Variants in XXYLT1 observed in about 807,000 individuals in gnomAD.
XXYLT1 encodes the protein UDP-xylose:alpha-xyloside alpha-1,3-xylosyltransferase.
XXYLT1 carries 20 observed loss-of-function variants against 28.9 expected under a neutral mutation model. That is an observed-to-expected ratio of 0.69 (90% confidence interval 0.49 to 1.00). XXYLT1 has a LOEUF of 1.00. Among genes scored for constraint, XXYLT1 ranks in the 50% least tolerant of loss-of-function variants. The pLI, the probability that XXYLT1 is intolerant of heterozygous loss-of-function variation, is 0.00. For missense variants in XXYLT1, 542 were observed against 560.1 expected (o/e 0.97, Z 0.33); for synonymous variants, 257 against 253.8 (o/e 1.01, Z -0.12).
intron 2 of XXYLT1, among the ~76,000 whole-genome samples, chr3:195,170,821 T>C (rs898171799): frequency 6.6e-6 from 1 of 151,424 alleles, no homozygotes; most frequent in African/African-American, 2.4e-5. Flanking sequence ...GGCAGGAGGA[T>C]CCCTTGAGCA....
intron 3 of XXYLT1, chr3:195,134,652 G>T (rs1360673770): frequency 6.4e-6 from 1 of 155,962 alleles, no homozygotes; most frequent in East Asian, 1.9e-4. Context: ...TCTTCAGGAT[G>T]CCAGGAAGGG....
intron 1 of XXYLT1, among the ~76,000 whole-genome samples, chr3:195,248,739 G>A (rs1356896996): frequency 6.6e-6 from 1 of 152,200 alleles, no homozygotes; most frequent in East Asian, 1.9e-4. Context: ...CCAACAGGGT[G>A]AAACGCCGTC....
chr3:195,223,102 G>A (rs1053944201), intron 2 of XXYLT1, among the ~76,000 whole-genome samples: 9 of 151,848 alleles, frequency 5.9e-5, no homozygotes, highest in Non-Finnish European at 8.8e-5. Flanking sequence ...ACATGGTGGC[G>A]GGTGCCTGTA....
chr3:195,096,316 T>C (rs1577020454), intron 3 of XXYLT1, among the ~76,000 whole-genome samples: 1 of 152,004 alleles, frequency 6.6e-6, no homozygotes, highest in Non-Finnish European at 1.5e-5. Flanking sequence ...CTGGTGACAG[T>C]GGCGCAGACA....
At chr3:195,227,650 CA>C (rs1724115142) in intron 1 of XXYLT1, among the ~76,000 whole-genome samples, 1 of 152,148 alleles carries the variant, frequency 6.6e-6, no homozygotes, top group Non-Finnish European at 1.5e-5. Context: ...CTCCAAATTA[CA>C]AATAAGGACG....
chr3:195,109,514 G>A (rs1429867534), intron 3 of XXYLT1, among the ~76,000 whole-genome samples: 7 of 147,476 alleles, frequency 4.7e-5, no homozygotes. Flanking sequence ...TGTGGTGTAT[G>A]AGTGTGCATG....
chr3:195,217,161 T>C (rs1723615552), intron 2 of XXYLT1, among the ~76,000 whole-genome samples: 1 of 96,016 alleles, frequency 1.0e-5, no homozygotes, highest in Non-Finnish European at 1.8e-5. Flanking sequence ...TGGGATGTAT[T>C]TCAAAATAAT....
chr3:195,073,522 A>G (rs1260631882), intron 3 of XXYLT1, among the ~76,000 whole-genome samples: 1 of 151,968 alleles, frequency 6.6e-6, no homozygotes, highest in Non-Finnish European at 1.5e-5. Context: ...TGCTCTAACT[A>G]TCTGGATTGT....
chr3:195,249,133 G>T (rs1051381288), intron 1 of XXYLT1, among the ~76,000 whole-genome samples: 2 of 152,148 alleles, frequency 1.3e-5, no homozygotes, highest in Admixed American at 6.5e-5. Flanking sequence ...TTTTGTGGGT[G>T]AGACACTGTT....
Position 195,158,164 on chromosome 3 carries a change from GCT to G in XXYLT1, c.653-1585_653-1584del, listed in dbSNP as rs375971731. Among the ~76,000 whole-genome samples the G allele has an allele frequency of 6.0e-4, 91 of 152,294 alleles. No individual in the cohort carries two copies. In the East Asian group the frequency reaches 0.013, roughly 22 times the overall value. On this transcript the variant is annotated intron_variant, in intron 2 of 3. Coordinates refer to ENST00000310380, the MANE Select transcript of XXYLT1 (RefSeq NM_152531.5). ...CGAAAGCCCACCACCTGCTACAGGT[GCT>G]CTCTCTTTCAAGGCCATCTAAACTC...
intron 1 of XXYLT1, among the ~76,000 whole-genome samples, chr3:195,252,707 CACACACACA>C (rs1725305452): frequency 3.5e-5 from 5 of 141,534 alleles, no homozygotes; most frequent in South Asian, 2.2e-4. Flanking sequence ...CACACACACA[CACACACACA>C]CACACACACA....
At chr3:195,131,326 C>A (rs956074391) in intron 3 of XXYLT1, among the ~76,000 whole-genome samples, 1 of 152,208 alleles carries the variant, frequency 6.6e-6, no homozygotes, top group African/African-American at 2.4e-5. Context: ...GCCTGAAAGG[C>A]GGGTGGATTT....
chr3:195,072,861 G>A (rs1344789908), intron 3 of XXYLT1, among the ~76,000 whole-genome samples: 2 of 152,206 alleles, frequency 1.3e-5, no homozygotes, highest in Non-Finnish European at 2.9e-5. Context: ...GGTTCTCGTA[G>A]AGGAATCGCA....
At chr3:195,161,057 C>T (rs965818044) in intron 2 of XXYLT1, among the ~76,000 whole-genome samples, 3 of 152,280 alleles carry the variant, frequency 2.0e-5, no homozygotes, top group African/African-American at 7.2e-5. Context: ...AGGGGCTCCT[C>T]CAGCCTGACC....
rs532582774 is a variant in XXYLT1 at position 195,257,464 on chromosome 3, C to A, written c.504+13091G>T. Among the ~76,000 whole-genome samples the A allele has an allele frequency of 6.6e-6, 1 of 152,184 alleles. No homozygotes were observed. Among genetic ancestry groups the A allele is most frequent in the African/African-American group, 2.4e-5 (1 of 41,424 alleles). ...ATAACTGGCACCGTCCGAGCTTCAT[C>A]ATGAAAGGCGAGTTAATCAGATGAA... On this transcript the variant is annotated intron_variant, in intron 1 of 3. Coordinates refer to ENST00000310380, the MANE Select transcript of XXYLT1 (RefSeq NM_152531.5). The surrounding 1 kb of genome is among the most constrained non-coding windows in gnomAD (Gnocchi z 4.3).
At chr3:195,165,750 A>G (rs1721087610) in intron 2 of XXYLT1, among the ~76,000 whole-genome samples, 1 of 152,126 alleles carries the variant, frequency 6.6e-6, no homozygotes, top group Non-Finnish European at 1.5e-5. Flanking sequence ...TACATCTTCT[A>G]AAAAAGATGG....
chr3:195,149,160 T>C (rs1167609222), intron 3 of XXYLT1, among the ~76,000 whole-genome samples: 1 of 152,146 alleles, frequency 6.6e-6, no homozygotes, highest in Non-Finnish European at 1.5e-5. Context: ...AGATACACTG[T>C]TAAGTGAACA....
At chr3:195,111,903 C>T (rs1717738526) in intron 3 of XXYLT1, among the ~76,000 whole-genome samples, 2 of 152,158 alleles carry the variant, frequency 1.3e-5, no homozygotes, top group African/African-American at 4.8e-5. Flanking sequence ...ATCATTTGCT[C>T]GCCCCAATCG....
At position 195,128,276 on chromosome 3, in the gene XXYLT1, T is replaced by A. The variant is rs147034841; in HGVS notation, c.785+28173A>T. 4.4e-3 allele frequency among the ~76,000 whole-genome samples: 664 copies of A among 152,158 alleles called. 2 individuals carry two copies. The highest frequency in any genetic ancestry group is 8.5e-3 in the Admixed American group (130 of 15,294). ...ATCCCTTCCTACCTGACACACCACA[T>A]CATCACCCACCAGGGCGCCCAAGCC... On this transcript the variant is annotated intron_variant, in intron 3 of 3. Transcript: ENST00000310380.
Sources: allele counts gnomAD v4.1 joint callset (sites outside exome capture counted in the v4.1 genomes callset), GRCh38; gene constraint gnomAD v4.1.1; non-coding constraint Gnocchi (gnomAD v3.1); transcripts MANE v1.5; gene names NCBI Gene and HGNC (gene_info 2026-07-23, HGNC 2026-07-21).